Variants in SNAP25 observed in about 807,000 individuals in gnomAD.
SNAP25 encodes the protein synaptosome associated protein 25, also known as synaptosomal-associated protein 25.
In SNAP25, 3 loss-of-function variants were observed where a neutral mutation model predicts 28.7. The observed-to-expected ratio is 0.10, with a 90% CI of 0.05 to 0.27. SNAP25 has a LOEUF of 0.27. Among genes scored for constraint, SNAP25 ranks in the 10% least tolerant of loss-of-function variants. SNAP25 has a pLI of 1.00. For synonymous variants in SNAP25, 61 were observed against 88.1 expected (o/e 0.69, Z 1.72); for missense variants, 117 against 278.7 (o/e 0.42, Z 4.13).
chr20:10,300,412 T>G (rs1347640112), intron 7 of SNAP25, among the ~76,000 whole-genome samples: 1 of 152,198 alleles, frequency 6.6e-6, no homozygotes, highest in Non-Finnish European at 1.5e-5. Flanking sequence ...CATTATAGAT[T>G]TAACGATAAT....
Position 10,298,191 on chromosome 20 carries a change from T to TGGCC in SNAP25, c.408-1076_408-1073dup, listed in dbSNP as rs560026874. Among the ~76,000 whole-genome samples, 834 of 151,772 alleles carry TGGCC rather than the reference T, an allele frequency of 5.5e-3. 7 individuals are homozygous for TGGCC. The highest frequency in any genetic ancestry group is 0.019 in the African/African-American group (775 of 41,280). ...TCTTGAAGTGAGACACAAGCACCTG[T>TGGCC]GGCCCATTAAAGCTCCTCAGGTGAT... is the stretch of plus-strand genomic sequence containing the variant. On this transcript the variant is annotated intron_variant, in intron 6 of 7. Transcript: ENST00000254976.
At chr20:10,264,626 C>T (rs766599625) in intron 1 of SNAP25, among the ~76,000 whole-genome samples, 3 of 152,138 alleles carry the variant, frequency 2.0e-5, no homozygotes, top group South Asian at 2.1e-4. Context: ...GCTGGGGAGC[C>T]GCGTTCTTGT....
intron 1 of SNAP25, among the ~76,000 whole-genome samples, chr20:10,244,235 T>A (rs1024625549): frequency 1.3e-5 from 2 of 152,206 alleles, no homozygotes; most frequent in Non-Finnish European, 2.9e-5. Context: ...TACTCTGACC[T>A]TGTGTATCTG....
intron 4 of SNAP25, among the ~76,000 whole-genome samples, chr20:10,291,343 T>C (rs2063994300): frequency 6.6e-6 from 1 of 152,206 alleles, no homozygotes; most frequent in Admixed American, 6.5e-5. Context: ...CCCTAAGTGC[T>C]GGGATCACAG....
In SNAP25 at chr20:10,275,574, G is replaced by C; in HGVS notation, c.72+11G>C. ...CAGTTGGCTGATGAGGTAAGGAGTG[G>C]AGACCTAGGAAGGGAGGCAAAAGAT... On this transcript the variant is annotated intron_variant, in intron 2 of 7. Coordinates refer to ENST00000254976, the MANE Select transcript of SNAP25 (RefSeq NM_130811.4). The C allele has an allele frequency of 6.3e-7, 1 of 1,586,820 alleles. No homozygotes were observed. Among genetic ancestry groups the C allele is most frequent in the Non-Finnish European group, 8.6e-7 (1 of 1,164,368 alleles).
At chr20:10,229,362 T>C (rs758829197) in intron 1 of SNAP25, among the ~76,000 whole-genome samples, 2 of 152,096 alleles carry the variant, frequency 1.3e-5, no homozygotes, top group African/African-American at 2.4e-5. Context: ...ACCCAGACTC[T>C]TTCTTGGAGC....
At chr20:10,232,344 G>A (rs6077696) in intron 1 of SNAP25, among the ~76,000 whole-genome samples, 2 of 152,226 alleles carry the variant, frequency 1.3e-5, no homozygotes, top group South Asian at 4.1e-4. Flanking sequence ...GTGGCATGGA[G>A]GAATGTGATT....
intron 1 of SNAP25, among the ~76,000 whole-genome samples, chr20:10,266,961 T>G (rs950979594): frequency 1.1e-4 from 16 of 152,110 alleles, no homozygotes; most frequent in African/African-American, 3.9e-4. Context: ...ATGGACTTTC[T>G]TTTCAGACAC....
At chr20:10,227,520 A>T (rs892144128) in intron 1 of SNAP25, among the ~76,000 whole-genome samples, 1 of 152,160 alleles carries the variant, frequency 6.6e-6, no homozygotes, top group Non-Finnish European at 1.5e-5. Flanking sequence ...ACATAGATTC[A>T]TCCTAAATAT....
At chr20:10,240,888 G>T (rs181453892) in intron 1 of SNAP25, among the ~76,000 whole-genome samples, 1 of 152,274 alleles carries the variant, frequency 6.6e-6, no homozygotes, top group Admixed American at 6.5e-5. Context: ...TGCCATTAGC[G>T]ACCTGGGGAG....
chr20:10,232,076 G>A (rs1568573943), intron 1 of SNAP25, among the ~76,000 whole-genome samples: 2 of 152,172 alleles, frequency 1.3e-5, no homozygotes, highest in African/African-American at 2.4e-5. Context: ...CAATCCCAGT[G>A]TGCAAACATT....
At position 10,306,357 on chromosome 20, in the gene SNAP25, T is replaced by C; in HGVS notation, c.*160T>C. 8.3e-6 allele frequency: 5 copies of C among 605,344 alleles called. No individual in the cohort carries two copies. The highest frequency in any genetic ancestry group is 1.5e-5 in the Non-Finnish European group (5 of 340,076). The allele number at this position is 605,344 out of a possible 1,614,324, so 37.5% of individuals were successfully genotyped here. ...CATCTGTCAGCTTCCCAACAATACTTTGTGTCTTTTGTTCTCTCTTGGTCT... is the reference window on the plus strand; with the variant it reads ...CATCTGTCAGCTTCCCAACAATACTCTGTGTCTTTTGTTCTCTCTTGGTCT... On this transcript the variant is annotated 3_prime_UTR_variant, in exon 8 of 8. Transcript: ENST00000254976.
intron 1 of SNAP25, among the ~76,000 whole-genome samples, chr20:10,246,076 T>TGA (rs1178717753): frequency 3.9e-5 from 6 of 152,356 alleles, no homozygotes; most frequent in Admixed American, 6.5e-5. Flanking sequence ...CTGAATATGT[T>TGA]GACTCCACTT....
intron 3 of SNAP25, among the ~76,000 whole-genome samples, chr20:10,279,014 C>A (rs1156691441): frequency 6.6e-6 from 1 of 152,144 alleles, no homozygotes; most frequent in African/African-American, 2.4e-5. Flanking sequence ...ACAAACGGGA[C>A]ACACCGGAAG....
chr20:10,290,647 C>CA (rs61495689), intron 4 of SNAP25, among the ~76,000 whole-genome samples: 38,183 of 145,534 alleles, frequency 0.26, 4,871 homozygotes, highest in Middle Eastern at 0.36. Flanking sequence ...ATATTTTGGC[C>CA]AAAAAAAAAA....
intron 1 of SNAP25, among the ~76,000 whole-genome samples, chr20:10,234,107 C>A (rs2122688058): frequency 6.6e-6 from 1 of 152,292 alleles, no homozygotes; most frequent in Admixed American, 6.5e-5. Flanking sequence ...ACTTACCAAG[C>A]AATTGCGTTG....
intron 4 of SNAP25, among the ~76,000 whole-genome samples, chr20:10,291,474 C>T (rs1335559491): frequency 1.3e-5 from 2 of 152,154 alleles, no homozygotes; most frequent in Non-Finnish European, 2.9e-5. Context: ...GTATTCAATG[C>T]TGGATAAACA....
Position 10,254,592 on chromosome 20 carries a change from C to T in SNAP25, c.-63-20837C>T, listed in dbSNP as rs188685804. On this transcript the variant is annotated intron_variant, in intron 1 of 7. Coordinates refer to ENST00000254976, the MANE Select transcript of SNAP25 (RefSeq NM_130811.4). ...TAGCTTATGGAATCCCAAAGGAGGA[C>T]GGTCCTGCTCTGAAGTTCTTAGAAA... Among the ~76,000 whole-genome samples the T allele has an allele frequency of 1.4e-3, 209 of 152,270 alleles. 4 individuals are homozygous for T. The Middle Eastern group carries it at 0.017, about 12-fold the overall frequency.
chr20:10,292,268 G>A (rs1021152967), intron 4 of SNAP25, among the ~76,000 whole-genome samples: 5 of 152,208 alleles, frequency 3.3e-5, no homozygotes, highest in African/African-American at 1.2e-4. Flanking sequence ...ATGTTGCTGT[G>A]TGGATGTTAC....
Sources: allele counts gnomAD v4.1 joint callset (sites outside exome capture counted in the v4.1 genomes callset), GRCh38; gene constraint gnomAD v4.1.1; transcripts MANE v1.5; gene names NCBI Gene and HGNC (gene_info 2026-07-23, HGNC 2026-07-21).